Variants in SYNE1 observed in about 807,000 individuals in gnomAD.
SYNE1 encodes the protein spectrin repeat containing nuclear envelope protein 1.
SYNE1 carries 616 observed loss-of-function variants against 1,111.0 expected under a neutral mutation model. The ratio of observed to expected loss-of-function variants is 0.55; its 90% CI spans 0.52 to 0.59. SYNE1 has a LOEUF of 0.59. Among genes scored for constraint, SYNE1 ranks in the 20% least tolerant of loss-of-function variants. The pLI, the probability that SYNE1 is intolerant of heterozygous loss-of-function variation, is 0.00. For missense variants in SYNE1, 10,006 were observed against 10,417.0 expected (o/e 0.96, Z 1.72); for synonymous variants, 3,855 against 3,825.8 (o/e 1.01, Z -0.28).
intron 35 of SYNE1, 86 bp downstream of exon 35, chr6:152,430,396 T>C (rs2098418057): frequency 7.8e-7 from 1 of 1,284,254 alleles, no homozygotes; most frequent in African/African-American, 1.5e-5. Flanking sequence ...TTTCTCTTAT[T>C]CCACTATTTG....
intron 4 of SYNE1, among the ~76,000 whole-genome samples, chr6:152,531,455 A>C (rs2099201088): frequency 6.6e-6 from 1 of 152,190 alleles, no homozygotes; most frequent in Non-Finnish European, 1.5e-5. Flanking sequence ...GGGGACTGAG[A>C]CATGTCCCTT....
At position 152,407,147 on chromosome 6, in the gene SYNE1, G is replaced by C; in HGVS notation, c.6590C>G (p.Ser2197Cys). The C allele has an allele frequency of 6.2e-7, 1 of 1,613,944 alleles. No individual in the cohort carries two copies. Among genetic ancestry groups the C allele is most frequent in the Non-Finnish European group, 8.5e-7 (1 of 1,179,982 alleles). The change falls in exon 45 of 146, where the codon TCC becomes TGC. Residue 2197 changes from serine to cysteine, a missense_variant. By Grantham distance (112) the Ser-to-Cys change is moderately radical. This residue lies in a region of SYNE1 where 4,955 missense variants were observed against 5,017.2 expected (regional missense o/e 0.99). Coordinates refer to ENST00000367255, the MANE Select transcript of SYNE1 (RefSeq NM_182961.4). ...ENMDRLRVSL[S>C]IWDDVLSTRD... Reference sequence around the variant, plus strand: ...AGTTGACAGTACATCATCCCAAATGGACAGGCTTACTCTCAGCCTATCCAT... The same window carrying C: ...AGTTGACAGTACATCATCCCAAATGCACAGGCTTACTCTCAGCCTATCCAT...
At chr6:152,528,307 T>A (rs185371679) in intron 4 of SYNE1, among the ~76,000 whole-genome samples, 36 of 149,292 alleles carry the variant, frequency 2.4e-4, no homozygotes, top group Admixed American at 1.9e-3. Flanking sequence ...ACTGACTGAC[T>A]GAATGAATGA....
At chr6:152,472,872 G>A (rs997466784) in intron 14 of SYNE1, among the ~76,000 whole-genome samples, 4 of 152,114 alleles carry the variant, frequency 2.6e-5, no homozygotes, top group Non-Finnish European at 4.4e-5. Flanking sequence ...TTATAAAGTG[G>A]TATTTGCTTG....
At chr6:152,571,066 T>C (rs1277262147) in intron 3 of SYNE1, among the ~76,000 whole-genome samples, 5 of 152,040 alleles carry the variant, frequency 3.3e-5, no homozygotes, top group Non-Finnish European at 4.4e-5. Flanking sequence ...TCTGGTCTTT[T>C]TTGACCTACA....
At chr6:152,500,852 G>A (rs1034859777) in intron 10 of SYNE1, among the ~76,000 whole-genome samples, 14 of 151,476 alleles carry the variant, frequency 9.2e-5, no homozygotes, top group Non-Finnish European at 1.3e-4. Context: ...TTGGGAGGCT[G>A]AGGCAGGAGA....
intron 127 of SYNE1, among the ~76,000 whole-genome samples, chr6:152,201,093 G>A (rs2153360333): frequency 6.6e-6 from 1 of 152,290 alleles, no homozygotes; most frequent in South Asian, 2.1e-4. Flanking sequence ...ACAAGGGCAT[G>A]TTTAATTTGA....
chr6:152,192,971 G>A (rs1261502062), intron 127 of SYNE1, among the ~76,000 whole-genome samples: 2 of 152,004 alleles, frequency 1.3e-5, no homozygotes, highest in Non-Finnish European at 2.9e-5. Flanking sequence ...GATGAAGTGT[G>A]TTTCTTGTAG....
At chr6:152,182,519 C>A (rs1035520254) in intron 128 of SYNE1, among the ~76,000 whole-genome samples, 2 of 152,110 alleles carry the variant, frequency 1.3e-5, no homozygotes, top group South Asian at 4.1e-4. Flanking sequence ...TAACATTTTG[C>A]TATATTTTGT....
At position 152,301,978 on chromosome 6, in the gene SYNE1, T is replaced by C; in HGVS notation, c.17432A>G (p.His5811Arg). The change falls in exon 92 of 146, where the codon CAC becomes CGC. Residue 5811 changes from histidine (H) to arginine (R), a missense_variant. This residue lies in a region of SYNE1 where 4,955 missense variants were observed against 5,017.2 expected (regional missense o/e 0.99). Coordinates refer to ENST00000367255, the MANE Select transcript of SYNE1 (RefSeq NM_182961.4). The part of the protein sequence containing the change: ...KCKMLTMKAK[H>R]ATMLLTVTEV... Reference sequence around the variant, plus strand: ...GGTCACCGTCAGCAGCATGGTGGCGTGCTTGGCTTTCATCGTCAGCATCTT... The same window carrying C: ...GGTCACCGTCAGCAGCATGGTGGCGCGCTTGGCTTTCATCGTCAGCATCTT... 6.2e-7 allele frequency: 1 copy of C among 1,614,238 alleles called. No individual in the cohort carries two copies. The highest frequency in any genetic ancestry group is 8.5e-7 in the Non-Finnish European group (1 of 1,180,046).
intron 34 of SYNE1, 43 bp downstream of exon 34, chr6:152,433,752 A>G (rs976249772): frequency 2.5e-6 from 4 of 1,610,962 alleles, no homozygotes; most frequent in Admixed American, 1.7e-5. Context: ...GTAGTTCTTA[A>G]AAGCTAGACA....
rs993878825 is a variant in SYNE1 at position 152,189,282 on chromosome 6, C to T, written c.23271G>A (p.Leu7757=). ...GGCATAGTTCTTCCCACTGCCTTTGCAGAAGCTCTACGCGTTCATTAAGAA... is the reference window on the plus strand; with the variant it reads ...GGCATAGTTCTTCCCACTGCCTTTGTAGAAGCTCTACGCGTTCATTAAGAA... ...ISILNERVEL[L]QRQWEELCHQ... is the part of the protein sequence containing the mutation. The change falls in exon 128 of 146, where the codon CTG becomes CTA. Residue 7757 remains leucine (L), a synonymous_variant. Transcript: ENST00000367255. 3 of 1,613,870 alleles carry T rather than the reference C, an allele frequency of 1.9e-6. No individual in the cohort carries two copies. The African/African-American group carries it at 4.0e-5, about 22-fold the overall frequency.
rs147734160 is a variant in SYNE1, at chr6:152,550,593, C to T, written c.68-10572G>A. Among the ~76,000 whole-genome samples, 1,010 of 151,260 alleles carry T rather than the reference C, an allele frequency of 6.7e-3. 12 individuals carry two copies. Among genetic ancestry groups the T allele is most frequent in the African/African-American group, 0.023 (957 of 41,128 alleles). ...GGGAGAGAGGAGGGGACAGATGCAT[C>T]AGCCTTGAAGCCTTGGATGGGCCTC... is the stretch of plus-strand genomic sequence containing the variant. On this transcript the variant is annotated intron_variant, in intron 3 of 145. Transcript: ENST00000367255.
At chr6:152,530,903 G>A (rs902840654) in intron 4 of SYNE1, among the ~76,000 whole-genome samples, 3 of 152,030 alleles carry the variant, frequency 2.0e-5, no homozygotes, top group Non-Finnish European at 4.4e-5. Context: ...GATTACAGGC[G>A]TGAGCCACCA....
chr6:152,444,620 A>G, intron 29 of SYNE1, 42 bp from the exon 30 acceptor site: 2 of 1,561,246 alleles, frequency 1.3e-6, no homozygotes, highest in South Asian at 1.2e-5. Flanking sequence ...ATCATATGCT[A>G]CTTGTTGAAG....
Position 152,354,728 on chromosome 6 carries a change from C to T in SYNE1, c.10857G>A (p.Glu3619=). 1 of 1,614,218 alleles carries T rather than the reference C, an allele frequency of 6.2e-7. No homozygotes were observed. The highest frequency in any genetic ancestry group is 1.1e-5 in the South Asian group (1 of 91,082). ...QVDEWLKTAE[E]KVSPRTRRQS... is the part of the protein sequence containing the mutation. ...GACGTCTGGTCCTGGGACTAACTTT[C>T]TCCTCTGCTGTTTTGAGCCATTCAT... Residue 3619 remains glutamate, a synonymous_variant, in exon 67 of 146, where the codon GAG becomes GAA. Transcript: ENST00000367255.
chr6:152,467,369 T>G (rs1037590027), intron 16 of SYNE1, among the ~76,000 whole-genome samples: 8 of 152,110 alleles, frequency 5.3e-5, no homozygotes, highest in Admixed American at 2.0e-4. Context: ...TTTGAATAAT[T>G]TAACTAAACA....
intron 145 of SYNE1, 128 bp downstream of exon 145, chr6:152,130,592 G>T: frequency 2.3e-6 from 2 of 875,170 alleles, no homozygotes; most frequent in Non-Finnish European, 3.8e-6. Flanking sequence ...AGGAAAGGGT[G>T]TGGACTGAAA....
Position 152,224,606 on chromosome 6 carries a change from A to G in SYNE1, c.21410T>C (p.Val7137Ala). 1.2e-6 allele frequency: 2 copies of G among 1,614,034 alleles called. No homozygotes were observed. Among genetic ancestry groups the G allele is most frequent in the East Asian group, 2.2e-5 (1 of 44,854 alleles). The change falls in exon 117 of 146, where the codon GTG (valine) becomes GCG (alanine). Residue 7137 changes from valine (V) to alanine (A), a missense_variant. Physicochemically the swap from Val to Ala is moderately conservative, Grantham distance 64 (BLOSUM62 0). This residue lies in a region of SYNE1 where 2,182 missense variants were observed against 2,287.8 expected (regional missense o/e 0.95). Transcript: ENST00000367255. ...SVLDQWSSHK[V>A]AFDKINSYLM... is the part of the protein sequence containing the mutation. Reference sequence around the variant, plus strand: ...GTAACTGTTTATCTTGTCAAAGGCCACTTTGTGACTACTCCATTGGTCAAG... The same window carrying G: ...GTAACTGTTTATCTTGTCAAAGGCCGCTTTGTGACTACTCCATTGGTCAAG...
Sources: gnomAD v4.1 joint callset for allele counts (sites outside exome capture counted in the v4.1 genomes callset) on GRCh38, gnomAD v4.1.1 for gene constraint, gnomAD v4.1.1 regional missense constraint, MANE v1.5 for transcripts, NCBI Gene and HGNC (gene_info 2026-07-23, HGNC 2026-07-21) for gene names.